AGO4: variants seen among roughly 807,000 people sequenced by gnomAD.
AGO4 encodes protein argonaute-4.
In AGO4, 33 loss-of-function variants were observed where a neutral mutation model predicts 104.7. The ratio of observed to expected loss-of-function variants is 0.32; its 90% CI spans 0.24 to 0.42. The LOEUF (loss-of-function observed/expected upper bound fraction) is 0.42, where lower values mean the gene tolerates loss of function less well. Among genes scored for constraint, AGO4 ranks in the 10% least tolerant of loss-of-function variants. The probability of loss-of-function intolerance (pLI) is 1.00; values close to 1 mark genes in which losing one functional copy is unlikely to be tolerated. For synonymous variants in AGO4, 331 were observed against 364.7 expected (o/e 0.91, Z 1.05); for missense variants, 711 against 1,083.4 (o/e 0.66, Z 4.83).
At position 35,842,031 on chromosome 1, in the gene AGO4, A is replaced by G. The variant is rs951032869; in HGVS notation, c.2175+281A>G. ...GGAGTAGGTCAGAAACATGCCAGGTACATTGTGATGATATAGGCAACCTTC... is the reference window on the plus strand; with the variant it reads ...GGAGTAGGTCAGAAACATGCCAGGTGCATTGTGATGATATAGGCAACCTTC... On this transcript the variant is annotated intron_variant, in intron 15 of 17. Transcript: ENST00000373210. Among the ~76,000 whole-genome samples, 6 of 152,026 alleles carry G rather than the reference A, an allele frequency of 3.9e-5. 1 individual carries two copies. The East Asian group carries it at 1.2e-3, about 29-fold the overall frequency.
At chr1:35,845,043 A>G (rs1165137605) in intron 15 of AGO4, among the ~76,000 whole-genome samples, 1 of 152,116 alleles carries the variant, frequency 6.6e-6, no homozygotes, top group African/African-American at 2.4e-5. Flanking sequence ...GTAGCACTTA[A>G]GACAATGATT....
intron 12 of AGO4, among the ~76,000 whole-genome samples, chr1:35,834,567 G>A (rs1452577656): frequency 6.6e-6 from 1 of 152,190 alleles, no homozygotes; most frequent in African/African-American, 2.4e-5. Flanking sequence ...GAAATATTTG[G>A]TGAAAAGCAC....
intron 2 of AGO4, among the ~76,000 whole-genome samples, chr1:35,820,779 A>G (rs1643872635): frequency 6.6e-6 from 1 of 152,186 alleles, no homozygotes; most frequent in Admixed American, 6.6e-5. Context: ...TCTTGGAATG[A>G]TATCCATGAG....
intron 1 of AGO4, among the ~76,000 whole-genome samples, chr1:35,810,024 A>G (rs1268777962): frequency 4.2e-5 from 6 of 144,382 alleles, no homozygotes; most frequent in Admixed American, 1.3e-4. Flanking sequence ...CTGCCCAGGG[A>G]CTCTTTTTTT....
chr1:35,857,656 C>A lies in AGO4; in HGVS notation c.*4051C>A, dbSNP rs1413755673. The A allele has an allele frequency of 6.6e-6, 1 of 152,092 alleles. No individual in the cohort carries two copies. Among genetic ancestry groups the A allele is most frequent in the Non-Finnish European group, 1.5e-5 (1 of 68,016 alleles). The allele number at this position is 152,092 out of a possible 1,614,324, so 9.4% of individuals were successfully genotyped here. On this transcript the variant is annotated 3_prime_UTR_variant, in exon 18 of 18. Transcript: ENST00000373210. ...TCCAAAAAAGGAATAAATTGGCATT[C>A]TTGTGCCAAAAGTTGTTTTTCCTGT...
In AGO4 at chr1:35,856,984, A is replaced by G. The variant is rs1054324075; in HGVS notation, c.*3379A>G. The G allele has an allele frequency of 6.6e-6, 1 of 152,210 alleles. No homozygotes were observed. The highest frequency in any genetic ancestry group is 1.5e-5 in the Non-Finnish European group (1 of 68,034). The allele number at this position is 152,210 out of a possible 1,614,324, so 9.4% of individuals were successfully genotyped here. ...GCGTTCTGGGCAGCAGAACATATTC[A>G]TTCTTACTGTAAATTCTATTTGCTG... On this transcript the variant is annotated 3_prime_UTR_variant, in exon 18 of 18. Coordinates refer to ENST00000373210, the MANE Select transcript of AGO4 (RefSeq NM_017629.4).
chr1:35,832,617 G>T, intron 11 of AGO4, 47 bp downstream of exon 11: 1 of 1,599,022 alleles, frequency 6.3e-7, no homozygotes, highest in South Asian at 1.1e-5. Flanking sequence ...TTCCAGATAT[G>T]AAAATACTGT....
In AGO4 at chr1:35,825,935, C is replaced by T; in HGVS notation, c.635C>T (p.Thr212Ile). Residue 212 changes from threonine (T) to isoleucine (I), a missense_variant, in exon 6 of 18, where the codon ACT (threonine) becomes ATT (isoleucine). Around this residue, in one of 3 missense-constraint regions of AGO4, gnomAD observed 308 missense variants for 397.8 expected, o/e 0.77. Transcript: ENST00000373210. ...NMMLNIDVSA[T>I]AFYRAQPIIE... ...CTTCTCTGTTTGTTAGTATCTGCAA[C>T]TGCTTTCTACCGGGCTCAGCCTATC... 6.2e-7 allele frequency: 1 copy of T among 1,614,078 alleles called. No individual in the cohort carries two copies. The highest frequency in any genetic ancestry group is 8.5e-7 in the Non-Finnish European group (1 of 1,180,004).
At chr1:35,822,008 C>G (rs1643896521) in intron 2 of AGO4, among the ~76,000 whole-genome samples, 1 of 151,884 alleles carries the variant, frequency 6.6e-6, no homozygotes, top group African/African-American at 2.4e-5. Context: ...GTGCCTCAGC[C>G]CCCCAAGTAC....
chr1:35,829,898 A>G (rs1463773016), intron 7 of AGO4, among the ~76,000 whole-genome samples: 1 of 150,796 alleles, frequency 6.6e-6, no homozygotes, highest in Non-Finnish European at 1.5e-5. Context: ...GGTGGCTGAC[A>G]ACTGTAATCC....
intron 7 of AGO4, 75 bp downstream of exon 7, chr1:35,826,910 AT>A: frequency 6.7e-7 from 1 of 1,485,840 alleles, no homozygotes; most frequent in Non-Finnish European, 9.2e-7. Flanking sequence ...GTTTTAAGAA[AT>A]TGGTTATTGG....
At position 35,816,022 on chromosome 1, in the gene AGO4, T is replaced by C. The variant is rs374473876; in HGVS notation, c.20-860T>C. 1.2e-4 allele frequency among the ~76,000 whole-genome samples: 18 copies of C among 152,350 alleles called. No individual in the cohort carries two copies. The East Asian group carries it at 2.5e-3, about 21-fold the overall frequency. ...GATCTTATGAGCAAGAAATCTCAGATTGTCCAGGTTCTAAAAATATCAAGT... is the reference window on the plus strand; with the variant it reads ...GATCTTATGAGCAAGAAATCTCAGACTGTCCAGGTTCTAAAAATATCAAGT... On this transcript the variant is annotated intron_variant, in intron 1 of 17. Transcript: ENST00000373210.
chr1:35,841,047 T>TA lies in AGO4; in HGVS notation c.1725-116dup. ...CCGTAGTGTTCTTTCCCAATGGGCT[T>TA]AAGTCTTTGTTCTCTCTTATAAGGT... On this transcript the variant is annotated intron_variant, in intron 13 of 17. Transcript: ENST00000373210. The surrounding 1 kb of genome is among the most constrained non-coding windows in gnomAD (Gnocchi z 4.7). The TA allele has an allele frequency of 9.0e-7, 1 of 1,106,408 alleles. No individual in the cohort carries two copies. Among genetic ancestry groups the TA allele is most frequent in the Non-Finnish European group, 1.3e-6 (1 of 774,828 alleles). 68.5% of individuals were successfully genotyped at this position (1,106,408 alleles called of 1,614,324 possible).
At chr1:35,831,379 A>C (rs752588931) in intron 7 of AGO4, 48 bp from the exon 8 acceptor site, 7 of 1,549,024 alleles carry the variant, frequency 4.5e-6, no homozygotes, top group Non-Finnish European at 6.1e-6. Context: ...AAAAGAAGAA[A>C]AGAAAGAACT....
chr1:35,819,416 C>T lies in AGO4; in HGVS notation c.185+2369C>T, dbSNP rs146604978. Among the ~76,000 whole-genome samples, 245 of 151,778 alleles carry T rather than the reference C, an allele frequency of 1.6e-3. 1 individual carries two copies. Among genetic ancestry groups the T allele is most frequent in the African/African-American group, 5.7e-3 (237 of 41,360 alleles). ...TTTGCAGCAAGCTTAGGCAACATGG[C>T]TAGACTCTGTCTATATTAAAAAAAA... On this transcript the variant is annotated intron_variant, in intron 2 of 17. Transcript: ENST00000373210.
At chr1:35,838,796 T>C (rs1644373553) in intron 13 of AGO4, among the ~76,000 whole-genome samples, 2 of 152,190 alleles carry the variant, frequency 1.3e-5, no homozygotes, top group South Asian at 4.1e-4. Context: ...AAGTGTTGTT[T>C]TTCTGTGAAA....
intron 7 of AGO4, among the ~76,000 whole-genome samples, chr1:35,830,865 G>A (rs1017204223): frequency 2.6e-5 from 4 of 151,578 alleles, no homozygotes; most frequent in Admixed American, 2.0e-4. Flanking sequence ...CCAGCTACTC[G>A]GGAGCCTGAG....
chr1:35,832,279 C>A, intron 10 of AGO4, 94 bp downstream of exon 10: 1 of 1,548,954 alleles, frequency 6.5e-7, no homozygotes, highest in South Asian at 1.3e-5. Context: ...CTGAATTTAC[C>A]CATAGTTTTG....
rs889063125 is a variant in AGO4 at position 35,808,174 on chromosome 1, G to A, written c.-243G>A. ...GGCTCCCGCTCCCGCTCCCGTTGGC[G>A]GCGGCGGCGGCGGCGGCGGCGGGGA... On this transcript the variant is annotated 5_prime_UTR_variant, in exon 1 of 18. Coordinates refer to ENST00000373210, the MANE Select transcript of AGO4 (RefSeq NM_017629.4). The surrounding 1 kb of genome is among the most constrained non-coding windows in gnomAD (Gnocchi z 5.2). The A allele has an allele frequency of 4.4e-5, 7 of 159,576 alleles. No individual in the cohort carries two copies. Among genetic ancestry groups the A allele is most frequent in the African/African-American group, 1.5e-4 (6 of 40,722 alleles). 9.9% of individuals were successfully genotyped at this position (159,576 alleles called of 1,614,324 possible). A position where few individuals can be genotyped will look rare whatever the true frequency, so the allele number is the denominator to read the frequency against.
Sources: allele counts gnomAD v4.1 joint callset (sites outside exome capture counted in the v4.1 genomes callset), GRCh38; gene constraint gnomAD v4.1.1; regional missense constraint gnomAD v4.1.1; non-coding constraint Gnocchi (gnomAD v3.1); transcripts MANE v1.5; gene names NCBI Gene and HGNC (gene_info 2026-07-23, HGNC 2026-07-21).